The following TXNRD2 variants were observed in gnomAD, a reference collection of about 807,000 sequenced individuals.
The protein encoded by TXNRD2 is thioredoxin reductase 2, mitochondrial.
TXNRD2 carries 67 observed loss-of-function variants against 70.8 expected under a neutral mutation model. The ratio of observed to expected loss-of-function variants is 0.95; its 90% confidence interval spans 0.78 to 1.16. The LOEUF (loss-of-function observed/expected upper bound fraction) is 1.16. Among genes scored for constraint, TXNRD2 ranks in the 50% most tolerant of loss-of-function variants. The pLI is 0.00. For missense variants in TXNRD2, 644 were observed against 719.9 expected (o/e 0.89, Z 1.21); for synonymous variants, 301 against 295.8 (o/e 1.02, Z -0.18).
At chr22:19,886,931 C>T (rs1939059202) in intron 11 of TXNRD2, among the ~76,000 whole-genome samples, 1 of 152,156 alleles carries the variant, frequency 6.6e-6, no homozygotes, top group Non-Finnish European at 1.5e-5. Context: ...TGGGGCAGAC[C>T]CTCAAAGGAA....
chr22:19,912,301 T>G lies in TXNRD2; in HGVS notation c.592-854A>C, dbSNP rs187443699. On this transcript the variant is annotated intron_variant, in intron 7 of 17. Coordinates refer to ENST00000400521, the MANE Select transcript of TXNRD2 (RefSeq NM_006440.5). ...GGTTTACTCAAGGAAAACCGAAAGG[T>G]CTGGCAATCAAAGGGACTAAAACGC... Among the ~76,000 whole-genome samples, 378 of 151,948 alleles carry G rather than the reference T, an allele frequency of 2.5e-3. 1 individual carries two copies. Among genetic ancestry groups the G allele is most frequent in the African/African-American group, 8.8e-3 (363 of 41,426 alleles).
chr22:19,898,158 T>TTTTGG, intron 9 of TXNRD2, 28 bp from the exon 10 acceptor site: 1 of 1,547,724 alleles, frequency 6.5e-7, no homozygotes. Context: ...AGGAGCACTG[T>TTTTGG]AGATCCCAAT....
intron 1 of TXNRD2, among the ~76,000 whole-genome samples, chr22:19,937,569 G>A (rs1941574051): frequency 1.3e-5 from 2 of 152,264 alleles, no homozygotes; most frequent in South Asian, 4.2e-4. Context: ...TAAAGCTTGT[G>A]AAGGCGTTGG....
chr22:19,925,055 G>A (rs534420081), intron 2 of TXNRD2, among the ~76,000 whole-genome samples: 3 of 149,432 alleles, frequency 2.0e-5, no homozygotes, highest in African/African-American at 5.0e-5. Flanking sequence ...GAGGCCAAGG[G>A]GGGCGGATCA....
At chr22:19,927,136 A>T (rs1941177364) in intron 2 of TXNRD2, among the ~76,000 whole-genome samples, 1 of 151,808 alleles carries the variant, frequency 6.6e-6, no homozygotes, top group Non-Finnish European at 1.5e-5. Context: ...TCTACTAAAA[A>T]TACAAAAATT....
chr22:19,880,786 C>A, intron 12 of TXNRD2, 69 bp from the exon 13 acceptor site: 1 of 1,142,228 alleles, frequency 8.8e-7, no homozygotes, highest in African/African-American at 1.5e-5. Flanking sequence ...TATGCCATCA[C>A]CCTTTGCCCT....
intron 2 of TXNRD2, among the ~76,000 whole-genome samples, chr22:19,925,169 A>G (rs564405044): frequency 4.6e-5 from 7 of 151,948 alleles, no homozygotes; most frequent in Admixed American, 1.3e-4. Flanking sequence ...CTGTAGTCCC[A>G]GCTACTCAGG....
rs531513351 is a variant in TXNRD2, at chr22:19,910,840, C to T, written c.662+537G>A. 211 of 216,576 alleles carry T rather than the reference C, an allele frequency of 9.7e-4. 1 individual carries two copies. Among genetic ancestry groups the T allele is most frequent in the Middle Eastern group, 2.1e-3 (1 of 480 alleles). The allele number at this position is 216,576 out of a possible 1,614,324, so 13.4% of individuals were successfully genotyped here. On this transcript the variant is annotated intron_variant, in intron 8 of 17. Transcript: ENST00000400521. ...TTGTAATCCCAGCACTTTAGGAGGA[C>T]GAGGTGGGCGGATCACCTGAGGTCA...
At chr22:19,935,741 G>A (rs571120420) in intron 1 of TXNRD2, among the ~76,000 whole-genome samples, 1 of 152,254 alleles carries the variant, frequency 6.6e-6, no homozygotes, top group Non-Finnish European at 1.5e-5. Flanking sequence ...TAGAAAGAAC[G>A]TACGTTGAAA....
In TXNRD2 at chr22:19,911,364, G is replaced by A. The variant is rs45550336; in HGVS notation, c.662+13C>T. ...ACAAAAAGAGGACCCCACCAAGCAC[G>A]CGCAGGCCTTACGTTTTTCCAGGGG... On this transcript the variant is annotated intron_variant, in intron 8 of 17. Transcript: ENST00000400521. The A allele has an allele frequency of 0.027, 43,753 of 1,610,196 alleles. 928 individuals carry two copies. Among genetic ancestry groups the A allele is most frequent in the South Asian group, 0.08 (7,240 of 90,948 alleles).
rs1407985151 is a variant in TXNRD2 at position 19,933,515 on chromosome 22, C to G, written c.104-2417G>C. ...TCCTGCCCTGCAGCCTCGCACTGTG[C>G]CCCCTCTGTCTGCTATCAGGCAGGG... On this transcript the variant is annotated intron_variant, in intron 1 of 17. Coordinates refer to ENST00000400521, the MANE Select transcript of TXNRD2 (RefSeq NM_006440.5). 4 of 1,288,722 alleles carry G rather than the reference C, an allele frequency of 3.1e-6. No homozygotes were observed. The African/African-American group carries it at 6.1e-5, about 20-fold the overall frequency. The allele number at this position is 1,288,722 out of a possible 1,614,324, so 79.8% of individuals were successfully genotyped here.
chr22:19,934,661 C>G (rs1249399685), intron 1 of TXNRD2, among the ~76,000 whole-genome samples: 1 of 151,002 alleles, frequency 6.6e-6, no homozygotes, highest in Non-Finnish European at 1.5e-5. Context: ...CTCCTGGGTT[C>G]ACACCATTCT....
intron 8 of TXNRD2, among the ~76,000 whole-genome samples, chr22:19,901,234 C>T (rs563888673): frequency 6.6e-6 from 1 of 152,346 alleles, no homozygotes; most frequent in Admixed American, 6.5e-5. Context: ...GGCCCTCCCT[C>T]GGAGTCCCCC....
chr22:19,877,525 C>T (rs961398434), intron 16 of TXNRD2, among the ~76,000 whole-genome samples: 2 of 152,150 alleles, frequency 1.3e-5, no homozygotes, highest in African/African-American at 2.4e-5. Context: ...TGCCTTAGGC[C>T]TCTGCTCTCT....
intron 16 of TXNRD2, 47 bp downstream of exon 16, chr22:19,878,043 A>C: frequency 1.3e-6 from 2 of 1,521,460 alleles, no homozygotes; most frequent in Non-Finnish European, 1.8e-6. Flanking sequence ...CACTCGAGGG[A>C]TACCCAGCTG....
chr22:19,903,389 A>G lies in TXNRD2; in HGVS notation c.663-4321T>C, dbSNP rs1601423039. On this transcript the variant is annotated intron_variant, in intron 8 of 17. Coordinates refer to ENST00000400521, the MANE Select transcript of TXNRD2 (RefSeq NM_006440.5). Reference sequence around the variant, plus strand: ...CTTTGCAGAAAGCGGACCTACAGACACAGCAAGAGGGAGGACTAGAATAGA... The same window carrying G: ...CTTTGCAGAAAGCGGACCTACAGACGCAGCAAGAGGGAGGACTAGAATAGA... Among the ~76,000 whole-genome samples, 7 of 152,354 alleles carry G rather than the reference A, an allele frequency of 4.6e-5. 2 individuals carry two copies. Among genetic ancestry groups the G allele is most frequent in the Admixed American group, 4.6e-4 (7 of 15,308 alleles).
chr22:19,901,138 T>C (rs1228216226), intron 8 of TXNRD2, among the ~76,000 whole-genome samples: 1 of 152,180 alleles, frequency 6.6e-6, no homozygotes, highest in Admixed American at 6.5e-5. Flanking sequence ...ATGTTTGCTG[T>C]CTCTGCCACC....
intron 11 of TXNRD2, chr22:19,891,502 A>G (rs1013586885): frequency 2.0e-5 from 3 of 152,438 alleles, no homozygotes; most frequent in Admixed American, 6.5e-5. Context: ...GTCCAGAGGC[A>G]GTCTGTCCCT....
intron 12 of TXNRD2, chr22:19,881,388 C>CGGAAACAT (rs1271529778): frequency 1.1e-5 from 3 of 277,212 alleles, no homozygotes; most frequent in Non-Finnish European, 1.9e-5. Flanking sequence ...TGACTAACTA[C>CGGAAACAT]GGAAACATCC....
Sources: gnomAD v4.1 joint callset for allele counts (sites outside exome capture counted in the v4.1 genomes callset) on GRCh38, gnomAD v4.1.1 for gene constraint, MANE v1.5 for transcripts, NCBI Gene and HGNC (gene_info 2026-07-23, HGNC 2026-07-21) for gene names.